The following SUB1 variants were observed in gnomAD, a reference collection of about 807,000 sequenced individuals.
SUB1 encodes SUB1 regulator of transcription, also known as activated RNA polymerase II transcriptional coactivator p15.
Under a neutral mutation model 16.9 loss-of-function variants are expected in SUB1, and 1 was observed. The ratio of observed to expected loss-of-function variants is 0.06; its 90% confidence interval spans 0.02 to 0.28. The LOEUF (loss-of-function observed/expected upper bound fraction) is 0.28, where lower values mean the gene tolerates loss of function less well. Ranked by LOEUF, SUB1 falls within the 10% of genes least tolerant of loss-of-function variation. SUB1 has a pLI of 1.00. For synonymous variants in SUB1, 51 were observed against 46.9 expected, an observed-to-expected ratio of 1.09 and a Z score of -0.36; for missense variants, 84 against 145.2, an observed-to-expected ratio of 0.58 and a Z score of 2.16.
intron 3 of SUB1, 111 bp from the exon 4 acceptor site, chr5:32,598,850 T>G (rs1379492593): frequency 1.3e-6 from 1 of 793,262 alleles, no homozygotes; most frequent in East Asian, 2.6e-5. Flanking sequence ...CAGTAGTCAT[T>G]TTCATGATTA....
chr5:32,600,661 T>G (rs1277123654), intron 4 of SUB1, among the ~76,000 whole-genome samples: 1 of 151,974 alleles, frequency 6.6e-6, no homozygotes, highest in Non-Finnish European at 1.5e-5. Context: ...TGGAGTGCAG[T>G]GGCATGATCT....
At chr5:32,589,130 C>T (rs1297027826) in intron 2 of SUB1, among the ~76,000 whole-genome samples, 2 of 151,812 alleles carry the variant, frequency 1.3e-5, no homozygotes, top group Non-Finnish European at 2.9e-5. Context: ...ACTCTCTTGC[C>T]GAGGCTGGAG....
intron 4 of SUB1, among the ~76,000 whole-genome samples, chr5:32,600,643 G>T (rs1579519935): frequency 6.7e-6 from 1 of 149,084 alleles, no homozygotes; most frequent in East Asian, 2.0e-4. Flanking sequence ...TTGCTCTCTT[G>T]CCCAGGCTGG....
chr5:32,588,697 C>A, intron 2 of SUB1, 113 bp downstream of exon 2: 1 of 1,072,718 alleles, frequency 9.3e-7, no homozygotes, highest in South Asian at 2.2e-5. Flanking sequence ...TCTAGCTGGG[C>A]GCGGTGGCTC....
intron 2 of SUB1, among the ~76,000 whole-genome samples, chr5:32,589,913 G>C (rs1738774468): frequency 6.6e-6 from 1 of 152,016 alleles, no homozygotes; most frequent in Non-Finnish European, 1.5e-5. Flanking sequence ...AGAGCGTATG[G>C]GAGATTGGAG....
chr5:32,593,928 G>A (rs562129496), intron 3 of SUB1, among the ~76,000 whole-genome samples: 12 of 152,206 alleles, frequency 7.9e-5, no homozygotes, highest in African/African-American at 2.9e-4. Context: ...TCTTGACCTC[G>A]CCATCTGCCT....
intron 3 of SUB1, chr5:32,595,546 G>A (rs982818004): frequency 1.3e-5 from 2 of 152,222 alleles, no homozygotes; most frequent in African/African-American, 4.8e-5. Context: ...ACTACAACTT[G>A]TAAATCCATT....
intron 2 of SUB1, among the ~76,000 whole-genome samples, chr5:32,589,533 A>G (rs543200464): frequency 4.5e-4 from 69 of 152,320 alleles, no homozygotes; most frequent in Admixed American, 7.8e-4. Flanking sequence ...CACGCAGTAA[A>G]GCTAACTTGA....
chr5:32,586,152 C>T (rs535999738), intron 1 of SUB1: 2 of 152,254 alleles, frequency 1.3e-5, no homozygotes, highest in African/African-American at 4.8e-5. Flanking sequence ...CTTCCCACGC[C>T]GTCTTCTCCG....
At chr5:32,594,685 T>C (rs1738913420) in intron 3 of SUB1, 4 of 436,134 alleles carry the variant, frequency 9.2e-6, no homozygotes, top group South Asian at 1.6e-5. Context: ...GGCATTAGAT[T>C]CTCATAGGAG....
At chr5:32,588,668 T>TAA in intron 2 of SUB1, 84 bp downstream of exon 2, 1 of 1,353,008 alleles carries the variant, frequency 7.4e-7, no homozygotes, top group Non-Finnish European at 1.0e-6. Flanking sequence ...AAAGGTGTAT[T>TAA]AACATCTTAA....
In SUB1 at chr5:32,601,093, C is replaced by G. The variant is rs777196615; in HGVS notation, c.*9C>G. ...CAGTAAGAAAACTGTAAAATTCGAG[C>G]CATATAAATAAAACCTGTACTGTTC... On this transcript the variant is annotated 3_prime_UTR_variant, in exon 5 of 5. Transcript: ENST00000265073. The G allele has an allele frequency of 2.5e-6, 4 of 1,607,458 alleles. No homozygotes were observed. Among genetic ancestry groups the G allele is most frequent in the Non-Finnish European group, 3.4e-6 (4 of 1,176,098 alleles).
rs888452800 is a variant in SUB1, at chr5:32,593,697, C to CT, written c.195+2026dup. On this transcript the variant is annotated intron_variant, in intron 3 of 4. Transcript: ENST00000265073. ...CTAGGAGGAACATAGGTCATCTTTT[C>CT]TTTTTTTTTTTTTTGAGACGGAGTC... 5.4e-3 allele frequency among the ~76,000 whole-genome samples: 771 copies of CT among 143,350 alleles called. 6 individuals are homozygous for CT. Among genetic ancestry groups the CT allele is most frequent in the Middle Eastern group, 0.019 (5 of 266 alleles). The allele number at this position is 143,350 out of a possible 152,430, so 94.0% of individuals were successfully genotyped here.
At chr5:32,597,301 A>G (rs1397154573) in intron 3 of SUB1, 3 of 152,156 alleles carry the variant, frequency 2.0e-5, no homozygotes, top group East Asian at 1.9e-4. Flanking sequence ...ACTTGACATC[A>G]TGTAAGTGGA....
intron 1 of SUB1, among the ~76,000 whole-genome samples, chr5:32,587,298 A>G (rs1365343605): frequency 6.6e-6 from 1 of 152,248 alleles, no homozygotes; most frequent in East Asian, 1.9e-4. Context: ...ACCTGGTGTT[A>G]TAAGTGCCTT....
chr5:32,595,808 A>G (rs1326767560), intron 3 of SUB1: 2 of 152,154 alleles, frequency 1.3e-5, no homozygotes, highest in Non-Finnish European at 2.9e-5. Context: ...TCCTCGCTAG[A>G]TATTGTCAGT....
intron 3 of SUB1, 31 bp from the exon 4 acceptor site, chr5:32,598,930 G>C: frequency 1.3e-6 from 2 of 1,529,284 alleles, no homozygotes; most frequent in Middle Eastern, 2.0e-4. Flanking sequence ...CTTGAAAGGA[G>C]CACCTCTTTT....
intron 1 of SUB1, 37 bp from the exon 2 acceptor site, chr5:32,588,475 C>A: frequency 6.4e-7 from 1 of 1,573,222 alleles, no homozygotes; most frequent in East Asian, 2.3e-5. Context: ...TAGTAGAGTA[C>A]CTTATTAATT....
chr5:32,590,564 C>G (rs531583338), intron 2 of SUB1, among the ~76,000 whole-genome samples: 31 of 150,418 alleles, frequency 2.1e-4, no homozygotes, highest in Non-Finnish European at 4.3e-4. Context: ...AAATAGCTCT[C>G]TAAAGATTTG....
Sources: gnomAD v4.1 joint callset for allele counts (sites outside exome capture counted in the v4.1 genomes callset) on GRCh38, gnomAD v4.1.1 for gene constraint, MANE v1.5 for transcripts, NCBI Gene and HGNC (gene_info 2026-07-23, HGNC 2026-07-21) for gene names.